The following NAA40 variants were observed in gnomAD, a reference collection of about 807,000 sequenced individuals.
NAA40 encodes N-alpha-acetyltransferase 40, NatD catalytic subunit.
Under a neutral mutation model 36.6 loss-of-function variants are expected in NAA40, and 26 were observed. The observed-to-expected ratio is 0.71, with a 90% CI of 0.52 to 0.98. NAA40 has a LOEUF of 0.98. NAA40 is among the 50% of genes least tolerant of loss of function. NAA40 has a pLI of 0.00. For synonymous variants in NAA40, 129 were observed against 108.4 expected (o/e 1.19, Z -1.18); for missense variants, 237 against 306.5 (o/e 0.77, Z 1.69).
At chr11:63,944,486 A>G (rs1942155267) in intron 1 of NAA40, among the ~76,000 whole-genome samples, 1 of 152,046 alleles carries the variant, frequency 6.6e-6, no homozygotes, top group Non-Finnish European at 1.5e-5. Flanking sequence ...AGAGAATGAG[A>G]ATAGCCTTTT....
rs1010499206 is a variant in NAA40, at chr11:63,952,229, T to C, written c.156-9T>C. ...AACCAATTCCGTACACGTCCTGTCC[T>C]CTTCTCAGGTTGAATGTCTCCATTG... is the stretch of plus-strand genomic sequence containing the variant. On this transcript the variant is annotated splice_polypyrimidine_tract_variant and intron_variant, in intron 3 of 7. Transcript: ENST00000377793. 1.2e-6 allele frequency: 2 copies of C among 1,603,434 alleles called. No individual in the cohort carries two copies. Among genetic ancestry groups the C allele is most frequent in the East Asian group, 2.2e-5 (1 of 44,840 alleles).
At chr11:63,945,699 C>A in intron 1 of NAA40, 141 bp from the exon 2 acceptor site, 1 of 735,604 alleles carries the variant, frequency 1.4e-6, no homozygotes, top group Non-Finnish European at 2.4e-6. Flanking sequence ...TCCGCCCCTC[C>A]AAATGTGTGG....
At chr11:63,941,667 C>T (rs9630215) in intron 1 of NAA40, among the ~76,000 whole-genome samples, 8,764 of 152,104 alleles carry the variant, frequency 0.058, 861 homozygotes, top group African/African-American at 0.2. Flanking sequence ...ATTCTCCTGC[C>T]TCAGCCTCCC....
chr11:63,950,623 C>T (rs183030681), intron 3 of NAA40, among the ~76,000 whole-genome samples: 37 of 152,042 alleles, frequency 2.4e-4, no homozygotes, highest in African/African-American at 5.5e-4. Context: ...CCACCACGCC[C>T]GGCTAATTTT....
Position 63,952,305 on chromosome 11 carries a change from G to A in NAA40, c.223G>A (p.Asp75Asn), listed in dbSNP as rs745329285. 7 of 1,613,748 alleles carry A rather than the reference G, an allele frequency of 4.3e-6. No individual in the cohort carries two copies. Among genetic ancestry groups the A allele is most frequent in the South Asian group, 2.2e-5 (2 of 91,032 alleles). ...GCCAGCCACCGTGGATTGGGCCTTC[G>A]ACCTGACCAAAACGAATATGCAAAC... Reference protein sequence around the residue: ...LEPATVDWAFDLTKTNMQTMY... With the variant: ...LEPATVDWAFNLTKTNMQTMY... Residue 75 changes from aspartate to asparagine, a missense_variant, in exon 4 of 8, where the codon GAC (aspartate) becomes AAC (asparagine). By Grantham distance (23) the Asp-to-Asn change is conservative (BLOSUM62 1). Transcript: ENST00000377793.
At chr11:63,942,750 C>T (rs1311217078) in intron 1 of NAA40, among the ~76,000 whole-genome samples, 1 of 152,244 alleles carries the variant, frequency 6.6e-6, no homozygotes, top group African/African-American at 2.4e-5. Flanking sequence ...GCCTGTCTGG[C>T]CCAGCTGGCT....
At position 63,947,654 on chromosome 11, in the gene NAA40, G is replaced by A. The variant is rs188473298; in HGVS notation, c.155+651G>A. 5.5e-3 allele frequency among the ~76,000 whole-genome samples: 828 copies of A among 149,492 alleles called. 4 individuals carry two copies. The highest frequency in any genetic ancestry group is 8.8e-3 in the Admixed American group (132 of 14,960). ...CAACCTCCGCCTTCTGGGTTCAGCC[G>A]ATTCTCCTGCCTCAGCCTCCCAAGT... On this transcript the variant is annotated intron_variant, in intron 3 of 7. Transcript: ENST00000377793.
chr11:63,952,720 A>T (rs774572881), intron 5 of NAA40, 36 bp from the exon 6 acceptor site: 1 of 1,612,430 alleles, frequency 6.2e-7, no homozygotes, highest in African/African-American at 1.3e-5. Context: ...TTCATGTCCC[A>T]TCCTGCACGC....
chr11:63,945,790 G>A (rs1942176620), intron 1 of NAA40, 50 bp from the exon 2 acceptor site: 2 of 1,519,916 alleles, frequency 1.3e-6, no homozygotes, highest in Non-Finnish European at 1.8e-6. Context: ...GAAAGTCAGT[G>A]CTTGATTGGC....
At chr11:63,942,031 G>A (rs1490418609) in intron 1 of NAA40, among the ~76,000 whole-genome samples, 1 of 152,212 alleles carries the variant, frequency 6.6e-6, no homozygotes, top group African/African-American at 2.4e-5. Flanking sequence ...GGTGGAAGGA[G>A]CATGACTTTA....
rs1942063434 is a variant in NAA40 at position 63,939,091 on chromosome 11, G to A, written c.-6G>A. 4 of 1,604,422 alleles carry A rather than the reference G, an allele frequency of 2.5e-6. No individual in the cohort carries two copies. The South Asian group carries it at 4.4e-5, about 18-fold the overall frequency. ...GAAGAAGAAGCTGAGCGTTGTCGCCGCCGCTATGGGGGTGAGTGAGGCAGA... is the reference window on the plus strand; with the variant it reads ...GAAGAAGAAGCTGAGCGTTGTCGCCACCGCTATGGGGGTGAGTGAGGCAGA... On this transcript the variant is annotated 5_prime_UTR_variant, in exon 1 of 8. Coordinates refer to ENST00000377793, the MANE Select transcript of NAA40 (RefSeq NM_024771.4).
chr11:63,949,749 T>G (rs1565172293), intron 3 of NAA40, among the ~76,000 whole-genome samples: 2 of 148,828 alleles, frequency 1.3e-5, no homozygotes, highest in East Asian at 2.0e-4. Flanking sequence ...AGCTGTTTTT[T>G]TTTTTTTTTT....
At chr11:63,939,211 C>T in intron 1 of NAA40, 109 bp downstream of exon 1, 5 of 1,190,222 alleles carry the variant, frequency 4.2e-6, no homozygotes, top group Non-Finnish European at 5.4e-6. Context: ...CCTCCAGCCT[C>T]ACGTGACCCC....
At chr11:63,947,497 T>A (rs1426603168) in intron 3 of NAA40, among the ~76,000 whole-genome samples, 1 of 152,182 alleles carries the variant, frequency 6.6e-6, no homozygotes, top group Non-Finnish European at 1.5e-5. Flanking sequence ...GGCAGAAGAA[T>A]CCATAAATGA....
rs535212942 is a variant in NAA40 at position 63,955,576 on chromosome 11, C to T, written c.*1097C>T. On this transcript the variant is annotated 3_prime_UTR_variant, in exon 8 of 8. Coordinates refer to ENST00000377793, the MANE Select transcript of NAA40 (RefSeq NM_024771.4). ...GCCTGCACTCCTCAGGCTTGCCCCT[C>T]GCTGCCTCAGTGAGGCACTAGTGCC... 7.2e-5 allele frequency: 11 copies of T among 152,668 alleles called. No homozygotes were observed. The highest frequency in any genetic ancestry group is 2.1e-4 in the South Asian group (1 of 4,824). 9.5% of individuals were successfully genotyped at this position (152,668 alleles called of 1,614,324 possible). A position where few individuals can be genotyped will look rare whatever the true frequency, so the allele number is the denominator to read the frequency against.
At chr11:63,948,521 A>G (rs919690071) in intron 3 of NAA40, among the ~76,000 whole-genome samples, 1 of 151,946 alleles carries the variant, frequency 6.6e-6, no homozygotes, top group African/African-American at 2.4e-5. Context: ...GATCGAGACC[A>G]TCCTGGCTAA....
rs925666311 is a variant in NAA40, at chr11:63,955,982, T to C, written c.*1503T>C. 4.6e-5 allele frequency: 7 copies of C among 152,596 alleles called. No individual in the cohort carries two copies. The highest frequency in any genetic ancestry group is 8.8e-5 in the Non-Finnish European group (6 of 68,096). 9.5% of individuals were successfully genotyped at this position (152,596 alleles called of 1,614,324 possible). On this transcript the variant is annotated 3_prime_UTR_variant, in exon 8 of 8. Coordinates refer to ENST00000377793, the MANE Select transcript of NAA40 (RefSeq NM_024771.4). ...TCACATCCCACCCTCTGCCCAACTC[T>C]GGCAGTCTCTCCTGGCAGATCTCCC... is the stretch of plus-strand genomic sequence containing the variant.
Position 63,939,030 on chromosome 11 carries a change from C to CCGCCGCTGTTG in NAA40, c.-66_-65insGCCGCTGTTGC, listed in dbSNP as rs1224679228. On this transcript the variant is annotated 5_prime_UTR_variant, in exon 1 of 8. Coordinates refer to ENST00000377793, the MANE Select transcript of NAA40 (RefSeq NM_024771.4). The stretch of plus-strand genomic sequence containing the variant: ...CGCTCTGCTGCCGCCGCTGTTGCAG[C>CCGCCGCTGTTG]CACCGCCGTTGCCGCCTCCCTGCCG... 7.7e-4 allele frequency: 1,206 copies of CCGCCGCTGTTG among 1,575,152 alleles called. 7 individuals carry two copies. The African/African-American group carries it at 0.012, about 16-fold the overall frequency.
At chr11:63,939,701 C>T (rs1327120673) in intron 1 of NAA40, among the ~76,000 whole-genome samples, 1 of 152,188 alleles carries the variant, frequency 6.6e-6, no homozygotes, top group Non-Finnish European at 1.5e-5. Context: ...TTCCCATAGA[C>T]TCCTGCCTTC....
Sources: allele counts gnomAD v4.1 joint callset (sites outside exome capture counted in the v4.1 genomes callset), GRCh38; gene constraint gnomAD v4.1.1; transcripts MANE v1.5; gene names NCBI Gene and HGNC (gene_info 2026-07-23, HGNC 2026-07-21).